The following OSBPL10 variants were observed in gnomAD, a reference collection of about 807,000 sequenced individuals.
OSBPL10 encodes the protein oxysterol-binding protein-related protein 10.
Under a neutral mutation model 81.7 loss-of-function variants are expected in OSBPL10, and 49 were observed. That is an observed-to-expected ratio of 0.60 (90% CI 0.48 to 0.76). OSBPL10 has a LOEUF of 0.76. Among genes scored for constraint, OSBPL10 ranks in the 30% least tolerant of loss-of-function variants. The pLI, the probability that OSBPL10 is intolerant of heterozygous loss-of-function variation, is 0.00. For synonymous variants in OSBPL10, 419 were observed against 383.6 expected, an observed-to-expected ratio of 1.09 and a Z score of -1.08; for missense variants, 923 against 987.8, an observed-to-expected ratio of 0.93 and a Z score of 0.88.
intron 1 of OSBPL10, among the ~76,000 whole-genome samples, chr3:31,929,842 A>G (rs1024245089): frequency 4.0e-5 from 6 of 151,880 alleles, no homozygotes; most frequent in Non-Finnish European, 7.4e-5. Flanking sequence ...AGATACAGCC[A>G]TAGTTCACAG....
chr3:31,928,297 T>C (rs1697136497), intron 1 of OSBPL10, among the ~76,000 whole-genome samples: 1 of 152,072 alleles, frequency 6.6e-6, no homozygotes, highest in South Asian at 2.1e-4. Context: ...TACCTTAACC[T>C]GCCTGGAAAA....
intron 1 of OSBPL10, among the ~76,000 whole-genome samples, chr3:31,897,080 A>G (rs574281452): frequency 1.3e-5 from 2 of 152,326 alleles, no homozygotes; most frequent in South Asian, 4.1e-4. Context: ...CTATAAAAGG[A>G]AGAAAAAAGA....
At chr3:32,066,548 C>T (rs1469251301) in intron 1 of OSBPL10, 1 of 152,220 alleles carries the variant, frequency 6.6e-6, no homozygotes, top group African/African-American at 2.4e-5. Flanking sequence ...CCATTAGAAA[C>T]TTGCCCTCCT....
At chr3:31,917,078 G>T (rs1696777700) in intron 1 of OSBPL10, among the ~76,000 whole-genome samples, 1 of 152,162 alleles carries the variant, frequency 6.6e-6, no homozygotes, top group Non-Finnish European at 1.5e-5. Context: ...CATCAATAAT[G>T]AGATTCCAGG....
intron 4 of OSBPL10, among the ~76,000 whole-genome samples, chr3:31,807,977 A>G (rs1268330812): frequency 6.6e-6 from 1 of 152,230 alleles, no homozygotes; most frequent in African/African-American, 2.4e-5. Flanking sequence ...CAACTTATGT[A>G]TAAAGAATAA....
intron 1 of OSBPL10, among the ~76,000 whole-genome samples, chr3:31,980,014 A>AT (rs922179498): frequency 4.1e-5 from 6 of 147,722 alleles, no homozygotes; most frequent in Non-Finnish European, 7.4e-5. Context: ...TTATTTATTT[A>AT]TTTTTTTTGA....
intron 3 of OSBPL10, among the ~76,000 whole-genome samples, chr3:31,845,321 A>G (rs1327891187): frequency 6.6e-6 from 1 of 152,170 alleles, no homozygotes; most frequent in African/African-American, 2.4e-5. Flanking sequence ...TTCTTCGTGT[A>G]GGCAGAACTG....
At chr3:31,776,470 T>C (rs1458433821) in intron 4 of OSBPL10, among the ~76,000 whole-genome samples, 1 of 152,142 alleles carries the variant, frequency 6.6e-6, no homozygotes, top group Admixed American at 6.5e-5. Flanking sequence ...CCCAAATAAA[T>C]GAACACTGGT....
chr3:31,683,928 G>A lies in OSBPL10; in HGVS notation c.1432C>T (p.Pro478Ser). 1 of 1,614,242 alleles carries A rather than the reference G, an allele frequency of 6.2e-7. No individual in the cohort carries two copies. The highest frequency in any genetic ancestry group is 8.5e-7 in the Non-Finnish European group (1 of 1,180,054). ...EGRKGALAKK[P>S]YNPIIGETFH... is the part of the protein sequence containing the mutation. Reference sequence around the variant, plus strand: ...GTCTCGCCTATGATGGGGTTGTAGGGCTTCTTGGCTAAAGCGCCCTTGCGG... The same window carrying A: ...GTCTCGCCTATGATGGGGTTGTAGGACTTCTTGGCTAAAGCGCCCTTGCGG... Residue 478 changes from proline to serine, a missense_variant, in exon 8 of 12, where the codon CCC becomes TCC. Physicochemically the swap from Pro to Ser is moderately conservative, Grantham distance 74 (BLOSUM62 -1). Coordinates refer to ENST00000396556, the MANE Select transcript of OSBPL10 (RefSeq NM_017784.5).
rs62244854 is a variant in OSBPL10 at position 31,812,818 on chromosome 3, G to A, written c.729+17222C>T. Among the ~76,000 whole-genome samples the A allele has an allele frequency of 5.5e-3, 141 of 25,864 alleles. 12 individuals carry two copies. The highest frequency in any genetic ancestry group is 0.021 in the African/African-American group (114 of 5,508). 17.0% of individuals were successfully genotyped at this position (25,864 alleles called of 152,430 possible). On this transcript the variant is annotated intron_variant, in intron 4 of 11. Transcript: ENST00000396556. ...AGAAAGAAAGAAAGAAAGAAAGAAA[G>A]AGAAAGAAAGAAAGAAAGAAAGAAA...
intron 4 of OSBPL10, among the ~76,000 whole-genome samples, chr3:31,814,363 C>CA (rs1293189199): frequency 6.6e-6 from 1 of 152,196 alleles, no homozygotes; most frequent in Non-Finnish European, 1.5e-5. Context: ...TGCAGTCCCT[C>CA]AAAATTCAAG....
chr3:31,662,524 C>T (rs930468182), intron 11 of OSBPL10: 1 of 1,012,172 alleles, frequency 9.9e-7, no homozygotes, highest in Non-Finnish European at 1.2e-6. Flanking sequence ...AACAAAGGCT[C>T]TCTCCAGCAG....
intron 1 of OSBPL10, among the ~76,000 whole-genome samples, chr3:31,898,633 C>A (rs1009722493): frequency 6.7e-6 from 1 of 150,316 alleles, no homozygotes; most frequent in Non-Finnish European, 1.5e-5. Context: ...AATATCTTTA[C>A]AAATATACAA....
rs540552810 is a variant in OSBPL10 at position 31,888,470 on chromosome 3, T to C, written c.282-8640A>G. 1.4e-4 allele frequency among the ~76,000 whole-genome samples: 21 copies of C among 152,196 alleles called. No individual in the cohort carries two copies. The South Asian group carries it at 4.4e-3, about 32-fold the overall frequency. ...GGAAGCCAAAGCAAAAATAAACAAA[T>C]GTGATCACATCAAGCTATAAAAGCT... On this transcript the variant is annotated intron_variant, in intron 1 of 11. Coordinates refer to ENST00000396556, the MANE Select transcript of OSBPL10 (RefSeq NM_017784.5).
intron 4 of OSBPL10, among the ~76,000 whole-genome samples, chr3:31,807,426 T>C (rs2125463812): frequency 6.7e-6 from 1 of 149,408 alleles, no homozygotes; most frequent in South Asian, 2.1e-4. Flanking sequence ...CATGCTGTGT[T>C]GGAGGATATA....
At chr3:31,868,738 A>G (rs1701245068) in intron 3 of OSBPL10, among the ~76,000 whole-genome samples, 2 of 152,126 alleles carry the variant, frequency 1.3e-5, no homozygotes, top group East Asian at 3.8e-4. Flanking sequence ...TGAAACTAAA[A>G]TTTTCTTGTA....
intron 8 of OSBPL10, among the ~76,000 whole-genome samples, chr3:31,677,419 C>T (rs1431868080): frequency 6.6e-6 from 1 of 152,170 alleles, no homozygotes; most frequent in African/African-American, 2.4e-5. Flanking sequence ...CCAGGCCCAC[C>T]CACAGCAGGA....
At chr3:32,066,720 A>G (rs1298467426) in intron 1 of OSBPL10, 2 of 152,176 alleles carry the variant, frequency 1.3e-5, no homozygotes, top group Admixed American at 1.3e-4. Context: ...TTCCTTACCA[A>G]TTCTGGACAG....
chr3:31,735,673 C>A (rs1470744956), intron 5 of OSBPL10, among the ~76,000 whole-genome samples: 2 of 152,162 alleles, frequency 1.3e-5, no homozygotes, highest in Admixed American at 1.3e-4. Flanking sequence ...GCTGTTCCTC[C>A]AGTCCTTCTA....
Sources: allele counts gnomAD v4.1 joint callset (sites outside exome capture counted in the v4.1 genomes callset), GRCh38; gene constraint gnomAD v4.1.1; transcripts MANE v1.5; gene names NCBI Gene and HGNC (gene_info 2026-07-23, HGNC 2026-07-21).